AOPEP: variants seen among roughly 807,000 people sequenced by gnomAD.
AOPEP encodes the protein aminopeptidase O (putative).
In AOPEP, 77 loss-of-function variants were observed where a neutral mutation model predicts 98.1. The ratio of observed to expected loss-of-function variants is 0.78; its 90% CI spans 0.65 to 0.95. The LOEUF (loss-of-function observed/expected upper bound fraction) is 0.95. Among genes scored for constraint, AOPEP ranks in the 40% least tolerant of loss-of-function variants. The probability of loss-of-function intolerance (pLI) is 0.00; values close to 1 mark genes in which losing one functional copy is unlikely to be tolerated. For missense variants in AOPEP, 1,024 were observed against 1,024.7 expected, an observed-to-expected ratio of 1.00 and a Z score of 0.01; for synonymous variants, 346 against 365.3, an observed-to-expected ratio of 0.95 and a Z score of 0.60.
At chr9:94,757,897 T>C (rs1837426315) in intron 1 of AOPEP, among the ~76,000 whole-genome samples, 1 of 152,190 alleles carries the variant, frequency 6.6e-6, no homozygotes, top group African/African-American at 2.4e-5. Flanking sequence ...AAATAGCCAA[T>C]GGATTTATCG....
intron 13 of AOPEP, among the ~76,000 whole-genome samples, chr9:95,027,323 G>T (rs953514237): frequency 7.9e-5 from 12 of 152,118 alleles, no homozygotes; most frequent in African/African-American, 2.9e-4. Flanking sequence ...AGTCTTTGAT[G>T]CCTATCCTCC....
At chr9:94,987,073 C>T (rs2132267744) in intron 11 of AOPEP, among the ~76,000 whole-genome samples, 1 of 152,360 alleles carries the variant, frequency 6.6e-6, no homozygotes, top group Admixed American at 6.5e-5. Context: ...CCAGTCCTTT[C>T]CTATCCTTCT....
At chr9:94,812,061 G>A in intron 5 of AOPEP, among the ~76,000 whole-genome samples, 1 of 152,116 alleles carries the variant, frequency 6.6e-6, no homozygotes, top group East Asian at 1.9e-4. Context: ...CTTGTCCAAG[G>A]AAGGAGACCT....
At position 94,972,126 on chromosome 9, in the gene AOPEP, G is replaced by A. The variant is rs1263828267; in HGVS notation, c.1916+4325G>A. Among the ~76,000 whole-genome samples the A allele has an allele frequency of 6.6e-6, 1 of 152,226 alleles. No individual in the cohort carries two copies. The highest frequency in any genetic ancestry group is 1.5e-5 in the Non-Finnish European group (1 of 68,042). ...AGCTATGGCAGGGACGGTGACCGTG[G>A]TGGTGGGTTTGAGAGTAAATAACGG... On this transcript the variant is annotated intron_variant, in intron 10 of 16. Coordinates refer to ENST00000375315, the MANE Select transcript of AOPEP (RefSeq NM_001193329.3). The surrounding 1 kb of genome is among the most constrained non-coding windows in gnomAD (Gnocchi z 4.2).
chr9:95,010,913 C>A (rs1053597269), intron 13 of AOPEP, among the ~76,000 whole-genome samples: 2 of 152,192 alleles, frequency 1.3e-5, no homozygotes, highest in Non-Finnish European at 2.9e-5. Context: ...TACTTTATTG[C>A]TGAAATATTT....
chr9:95,139,580 G>A, the AOPEP span, among the ~76,000 whole-genome samples: 1 of 152,042 alleles, frequency 6.6e-6, no homozygotes, highest in South Asian at 2.1e-4. Flanking sequence ...TTTCAAATGA[G>A]CTGGATCTGT....
At chr9:94,804,362 T>C (rs57057766) in intron 5 of AOPEP, among the ~76,000 whole-genome samples, 1,811 of 152,350 alleles carry the variant, frequency 0.012, 20 homozygotes, top group South Asian at 0.044. Context: ...CGTCCATATA[T>C]GTTCTTTTTT....
chr9:95,123,828 C>A, the AOPEP span: 91 of 665,098 alleles, frequency 1.4e-4, 1 homozygote, highest in Non-Finnish European at 3.1e-5. Context: ...CAATTTAGAC[C>A]TGCGGATGCT....
intron 9 of AOPEP, among the ~76,000 whole-genome samples, chr9:94,963,249 T>C (rs1276632255): frequency 6.6e-6 from 1 of 152,154 alleles, no homozygotes; most frequent in Non-Finnish European, 1.5e-5. Flanking sequence ...GCTAGCCCCA[T>C]GTAATAGTCA....
At chr9:95,003,165 T>TGTGTGCGC (rs1196387961) in intron 11 of AOPEP, among the ~76,000 whole-genome samples, 13 of 146,058 alleles carry the variant, frequency 8.9e-5, no homozygotes, top group African/African-American at 3.2e-4. Flanking sequence ...TGTGTGTGTG[T>TGTGTGCGC]GCGCGCGCGC....
chr9:94,915,930 T>C (rs1178773670), intron 5 of AOPEP, among the ~76,000 whole-genome samples: 2 of 151,976 alleles, frequency 1.3e-5, no homozygotes, highest in Admixed American at 6.6e-5. Context: ...ACCCAAAGAG[T>C]GTATTTCAAA....
intron 5 of AOPEP, chr9:94,824,320 A>C (rs1451414330): frequency 3.3e-5 from 5 of 152,168 alleles, no homozygotes; most frequent in African/African-American, 1.2e-4. Context: ...TGGATACTCT[A>C]AGATGTCAAA....
intron 5 of AOPEP, among the ~76,000 whole-genome samples, chr9:94,859,667 A>G (rs1199970357): frequency 6.6e-6 from 1 of 152,158 alleles, no homozygotes; most frequent in African/African-American, 2.4e-5. Context: ...ACTGCCTCTT[A>G]TATCTTCTCT....
At chr9:95,104,335 G>A in the AOPEP span, among the ~76,000 whole-genome samples, 1 of 152,252 alleles carries the variant, frequency 6.6e-6, no homozygotes, top group Non-Finnish European at 1.5e-5. Context: ...GTCCCTGACA[G>A]AGTCAGTGCA....
chr9:94,910,424 C>T (rs753882419), intron 5 of AOPEP, among the ~76,000 whole-genome samples: 1 of 152,224 alleles, frequency 6.6e-6, no homozygotes, highest in Non-Finnish European at 1.5e-5. Context: ...GACTGGGTCT[C>T]GGGCAGCCTT....
chr9:94,839,132 C>T (rs1266742644), intron 5 of AOPEP, among the ~76,000 whole-genome samples: 2 of 146,292 alleles, frequency 1.4e-5, no homozygotes, highest in African/African-American at 5.1e-5. Context: ...GTCACTCAGG[C>T]TGGAGTGCAG....
At chr9:95,025,965 C>T (rs1008957491) in intron 13 of AOPEP, among the ~76,000 whole-genome samples, 2 of 152,120 alleles carry the variant, frequency 1.3e-5, no homozygotes, top group South Asian at 2.1e-4. Flanking sequence ...GTTTGAACTC[C>T]GTAATGAGGA....
intron 1 of AOPEP, among the ~76,000 whole-genome samples, chr9:94,752,597 A>T (rs1174612999): frequency 1.3e-5 from 2 of 152,242 alleles, no homozygotes; most frequent in East Asian, 1.9e-4. Context: ...TTTCAAACAT[A>T]CAACTGTTAA....
intron 5 of AOPEP, among the ~76,000 whole-genome samples, chr9:94,842,476 CCT>C (rs1251007441): frequency 6.6e-6 from 1 of 152,154 alleles, no homozygotes; most frequent in Non-Finnish European, 1.5e-5. Context: ...CTCTCCTTCC[CCT>C]TTCCCTCTAT....
Sources: gnomAD v4.1 joint callset for allele counts (sites outside exome capture counted in the v4.1 genomes callset) on GRCh38, gnomAD v4.1.1 for gene constraint, Gnocchi (gnomAD v3.1) non-coding constraint, MANE v1.5 for transcripts, NCBI Gene and HGNC (gene_info 2026-07-23, HGNC 2026-07-21) for gene names.